The following HIRA variants were observed in gnomAD, a reference collection of about 807,000 sequenced individuals.
The protein encoded by HIRA is protein HIRA.
HIRA carries 13 observed loss-of-function variants against 126.6 expected under a neutral mutation model. That is an observed-to-expected ratio of 0.10 (90% CI 0.07 to 0.16). The LOEUF is 0.16. Among genes scored for constraint, HIRA ranks in the 10% least tolerant of loss-of-function variants. The pLI, the probability that HIRA is intolerant of heterozygous loss-of-function variation, is 1.00. For missense variants in HIRA, 834 were observed against 1,314.4 expected (o/e 0.63, Z 5.65); for synonymous variants, 511 against 520.0 (o/e 0.98, Z 0.24).
chr22:19,420,659 G>GA (rs2089439315), intron 1 of HIRA, among the ~76,000 whole-genome samples: 1 of 152,020 alleles, frequency 6.6e-6, no homozygotes, highest in Non-Finnish European at 1.5e-5. Flanking sequence ...AGGCTGCAGT[G>GA]AACTATGGTC....
chr22:19,362,846 C>A (rs2088877318), intron 15 of HIRA, among the ~76,000 whole-genome samples: 1 of 151,472 alleles, frequency 6.6e-6, no homozygotes, highest in Non-Finnish European at 1.5e-5. Flanking sequence ...TGGTCGTGAG[C>A]CACCATGCCT....
intron 17 of HIRA, 115 bp from the exon 18 acceptor site, chr22:19,359,599 G>T: frequency 8.2e-7 from 1 of 1,218,898 alleles, no homozygotes; most frequent in Non-Finnish European, 1.1e-6. Flanking sequence ...AGGCAGACTG[G>T]CTGGCCAAGA....
intron 11 of HIRA, among the ~76,000 whole-genome samples, chr22:19,387,211 A>G (rs2089135119): frequency 1.3e-5 from 2 of 152,256 alleles, no homozygotes; most frequent in South Asian, 4.1e-4. Context: ...GTCTGGGCAA[A>G]GAGCCATGCT....
In HIRA at chr22:19,387,777, G is replaced by A. The variant is rs778517536; in HGVS notation, c.1047C>T (p.Asp349=). The change falls in exon 11 of 25, where the codon GAC becomes GAT. Residue 349 remains aspartate, a synonymous_variant. Coordinates refer to ENST00000263208, the MANE Select transcript of HIRA (RefSeq NM_003325.4). The part of the protein sequence containing the change: ...NGLGILVCSM[D]GSVAFLDFSQ... ...AGAAGTCGAGGAATGCCACAGAGCC[G>A]TCCATAGAGCATACCAAGATGCCCA... 1.7e-5 allele frequency: 27 copies of A among 1,613,754 alleles called. No homozygotes were observed. The highest frequency in any genetic ancestry group is 5.0e-5 in the Admixed American group (3 of 59,972).
At chr22:19,427,569 T>C (rs1238821494) in intron 1 of HIRA, among the ~76,000 whole-genome samples, 1 of 152,196 alleles carries the variant, frequency 6.6e-6, no homozygotes, top group East Asian at 1.9e-4. Flanking sequence ...ATACACACCA[T>C]AAGGCCATGT....
intron 4 of HIRA, among the ~76,000 whole-genome samples, chr22:19,406,623 T>A (rs2089310219): frequency 1.3e-5 from 2 of 152,026 alleles, no homozygotes. Flanking sequence ...CCTCTGCCTC[T>A]GCTCTTGAAG....
intron 9 of HIRA, among the ~76,000 whole-genome samples, chr22:19,391,224 G>T (rs895587401): frequency 6.6e-6 from 1 of 152,130 alleles, no homozygotes; most frequent in Non-Finnish European, 1.5e-5. Flanking sequence ...ACTGTGCCAA[G>T]CAAAAGAAAT....
intron 24 of HIRA, among the ~76,000 whole-genome samples, chr22:19,334,478 C>T (rs2088539550): frequency 1.3e-5 from 2 of 150,854 alleles, no homozygotes; most frequent in South Asian, 4.2e-4. Flanking sequence ...TGGCGAAACC[C>T]CATCTCCACT....
rs113434072 is a variant in HIRA, at chr22:19,390,960, G to GTT, written c.936+1139_936+1140dup. 2.6e-3 allele frequency among the ~76,000 whole-genome samples: 376 copies of GTT among 145,480 alleles called. 3 individuals carry two copies. Among genetic ancestry groups the GTT allele is most frequent in the African/African-American group, 8.9e-3 (360 of 40,472 alleles). On this transcript the variant is annotated intron_variant, in intron 9 of 24. Coordinates refer to ENST00000263208, the MANE Select transcript of HIRA (RefSeq NM_003325.4). ...TGCTGACACTTGGTACTATTTTTTTGTTTTTTTTTTTAATTTTAGAACTCT... is the reference window on the plus strand; with the variant it reads ...TGCTGACACTTGGTACTATTTTTTTGTTTTTTTTTTTTTAATTTTAGAACTCT...
chr22:19,371,492 T>C (rs1308420761), intron 15 of HIRA, among the ~76,000 whole-genome samples: 1 of 152,230 alleles, frequency 6.6e-6, no homozygotes, highest in African/African-American at 2.4e-5. Context: ...ATATATATCA[T>C]AAACTTCGCC....
chr22:19,359,359 C>A lies in HIRA; in HGVS notation c.2211G>T (p.Arg737=). The A allele has an allele frequency of 6.3e-7, 1 of 1,599,484 alleles. No homozygotes were observed. Among genetic ancestry groups the A allele is most frequent in the Non-Finnish European group, 8.5e-7 (1 of 1,173,078 alleles). The change falls in exon 18 of 25, where the codon CGG becomes CGT. Residue 737 remains arginine, a synonymous_variant. Coordinates refer to ENST00000263208, the MANE Select transcript of HIRA (RefSeq NM_003325.4). ...ACCAGCTGCCCGCAGCAGTGAGGAT[C>A]CGGCTGGTGAGTACCGTCTCCCACT... is the stretch of plus-strand genomic sequence containing the variant. ...GKEWETVLTS[R]ILTAAGSCDV...
chr22:19,406,281 A>T (rs537817210), intron 4 of HIRA, among the ~76,000 whole-genome samples: 1 of 152,274 alleles, frequency 6.6e-6, no homozygotes, highest in Admixed American at 6.5e-5. Context: ...GTGATGAGGG[A>T]TATTTTTTCT....
chr22:19,398,590 A>T (rs963278252), intron 5 of HIRA, among the ~76,000 whole-genome samples: 1 of 152,262 alleles, frequency 6.6e-6, no homozygotes, highest in Non-Finnish European at 1.5e-5. Flanking sequence ...AGACCCTGAC[A>T]GGAGTACCCC....
In HIRA at chr22:19,375,910, C is replaced by G. The variant is rs2089014209; in HGVS notation, c.1614-118G>C. 3.8e-6 allele frequency: 4 copies of G among 1,042,706 alleles called. No individual in the cohort carries two copies. The East Asian group carries it at 1.1e-4, about 27-fold the overall frequency. 64.6% of individuals were successfully genotyped at this position (1,042,706 alleles called of 1,614,324 possible). A position where few individuals can be genotyped will look rare whatever the true frequency, so the allele number is the denominator to read the frequency against. Reference sequence around the variant, plus strand: ...CACAAATATCAAACTTCCATAAACACAAAAAATGTCAAGATACAATCTACT... The same window carrying G: ...CACAAATATCAAACTTCCATAAACAGAAAAAATGTCAAGATACAATCTACT... On this transcript the variant is annotated intron_variant, in intron 14 of 24. Coordinates refer to ENST00000263208, the MANE Select transcript of HIRA (RefSeq NM_003325.4).
chr22:19,383,439 G>A (rs953827965), intron 13 of HIRA, among the ~76,000 whole-genome samples, 181 bp downstream of exon 13: 1 of 152,212 alleles, frequency 6.6e-6, no homozygotes, highest in African/African-American at 2.4e-5. Flanking sequence ...TGTGCACAAG[G>A]GCTCCAGGAG....
intron 1 of HIRA, among the ~76,000 whole-genome samples, chr22:19,422,388 T>C (rs2089455854): frequency 6.6e-6 from 1 of 151,938 alleles, no homozygotes; most frequent in Non-Finnish European, 1.5e-5. Context: ...GCATTATAAC[T>C]GGTCTCCTGG....
chr22:19,378,989 T>C (rs757711959), intron 13 of HIRA, among the ~76,000 whole-genome samples: 22 of 151,980 alleles, frequency 1.4e-4, no homozygotes, highest in Non-Finnish European at 2.9e-4. Context: ...AGAAGAAAAA[T>C]GGTATCTTAT....
chr22:19,370,523 C>G (rs1369207843), intron 15 of HIRA, among the ~76,000 whole-genome samples: 1 of 152,214 alleles, frequency 6.6e-6, no homozygotes, highest in African/African-American at 2.4e-5. Flanking sequence ...GGATTGACTA[C>G]AGGCATGAGC....
rs1556012529 is a variant in HIRA at position 19,356,275 on chromosome 22, G to C, written c.2410C>G (p.Gln804Glu). The change falls in exon 20 of 25, where the codon CAG (glutamine) becomes GAG (glutamate). Residue 804 changes from glutamine to glutamate, a missense_variant. Physicochemically the swap from Gln to Glu is conservative, Grantham distance 29. Coordinates refer to ENST00000263208, the MANE Select transcript of HIRA (RefSeq NM_003325.4). The stretch of plus-strand genomic sequence containing the variant: ...GACTCTTCTTTCACCACAACCACCT[G>C]TCTGTGAACATCCCTAGGAGGGAGA... ...ATLSVWDVHR[Q>E]VVVVKEESLH... is the part of the protein sequence containing the mutation. 2 of 1,613,966 alleles carry C rather than the reference G, an allele frequency of 1.2e-6. No individual in the cohort carries two copies. Among genetic ancestry groups the C allele is most frequent in the Admixed American group, 3.3e-5 (2 of 60,014 alleles).
Sources: gnomAD v4.1 joint callset for allele counts (sites outside exome capture counted in the v4.1 genomes callset) on GRCh38, gnomAD v4.1.1 for gene constraint, MANE v1.5 for transcripts, NCBI Gene and HGNC (gene_info 2026-07-23, HGNC 2026-07-21) for gene names.